Variants in RHOH observed in about 807,000 individuals in gnomAD.
RHOH encodes the protein ras homolog family member H.
In RHOH, 6 loss-of-function variants were observed where a neutral mutation model predicts 13.8. The observed-to-expected ratio is 0.44, with a 90% CI of 0.24 to 0.86. RHOH has a LOEUF of 0.86. Ranked by LOEUF, RHOH falls within the 40% of genes least tolerant of loss-of-function variation. The probability of loss-of-function intolerance (pLI) is 0.24; values close to 1 mark genes in which losing one functional copy is unlikely to be tolerated. For missense variants in RHOH, 147 were observed against 244.5 expected (o/e 0.60, Z 2.66); for synonymous variants, 117 against 103.0 (o/e 1.14, Z -0.82).
chr4:40,232,835 C>G (rs1000216109), intron 1 of RHOH, among the ~76,000 whole-genome samples: 5 of 152,182 alleles, frequency 3.3e-5, no homozygotes, highest in Non-Finnish European at 7.3e-5. Flanking sequence ...CTCCCCACCC[C>G]CAAAGCCTTT....
chr4:40,207,417 A>T (rs574255531), intron 1 of RHOH, among the ~76,000 whole-genome samples: 18 of 152,140 alleles, frequency 1.2e-4, no homozygotes, highest in Non-Finnish European at 2.6e-4. Flanking sequence ...AGGAAAAGCA[A>T]TTGAAATGTA....
At chr4:40,228,148 G>A (rs1316572987) in intron 1 of RHOH, among the ~76,000 whole-genome samples, 1 of 152,004 alleles carries the variant, frequency 6.6e-6, no homozygotes, top group Non-Finnish European at 1.5e-5. Flanking sequence ...CATTTTCTAT[G>A]TCAAGAATCT....
intron 1 of RHOH, among the ~76,000 whole-genome samples, chr4:40,238,545 G>C (rs1322653181): frequency 6.6e-6 from 1 of 152,174 alleles, no homozygotes; most frequent in Non-Finnish European, 1.5e-5. Context: ...CTTTTGCAAC[G>C]TGAAGCCTCC....
At chr4:40,204,340 T>G (rs1724383190) in intron 1 of RHOH, among the ~76,000 whole-genome samples, 1 of 152,198 alleles carries the variant, frequency 6.6e-6, no homozygotes, top group Non-Finnish European at 1.5e-5. Context: ...AGTCACAGGG[T>G]CTGTCGGATG....
At position 40,244,540 on chromosome 4, in the gene RHOH, CTTACCTG is replaced by C. The variant is rs1729637298; in HGVS notation, c.*582_*588del. On this transcript the variant is annotated 3_prime_UTR_variant, in exon 3 of 3. Coordinates refer to ENST00000381799, the MANE Select transcript of RHOH (RefSeq NM_004310.5). ...ATGAATCTTTGCAATTTGTTTTCTA[CTTACCTG>C]TTATTCACAGTTGGATATAAAATAC... The C allele has an allele frequency of 9.7e-6, 2 of 206,850 alleles. No homozygotes were observed. The highest frequency in any genetic ancestry group is 4.6e-5 in the African/African-American group (2 of 43,134). 12.8% of individuals were successfully genotyped at this position (206,850 alleles called of 1,614,324 possible).
At chr4:40,197,434 A>AG (rs1177631752) in intron 1 of RHOH, 134 bp downstream of exon 1, 1 of 148,212 alleles carries the variant, frequency 6.7e-6, no homozygotes, top group African/African-American at 2.5e-5. Context: ...ATCAATTTAC[A>AG]GGGGGACGGG....
intron 1 of RHOH, among the ~76,000 whole-genome samples, chr4:40,207,454 C>T (rs78806878): frequency 6.6e-6 from 1 of 152,094 alleles, no homozygotes; most frequent in Middle Eastern, 3.4e-3. Flanking sequence ...CTATTACATT[C>T]TAGAGCTATG....
At chr4:40,224,065 C>T (rs1191392082) in intron 1 of RHOH, among the ~76,000 whole-genome samples, 1 of 152,096 alleles carries the variant, frequency 6.6e-6, no homozygotes, top group Non-Finnish European at 1.5e-5. Flanking sequence ...AGCCACTGCT[C>T]CTGGCCAACA....
intron 1 of RHOH, among the ~76,000 whole-genome samples, chr4:40,215,699 C>T (rs372229425): frequency 1.3e-5 from 2 of 152,282 alleles, no homozygotes; most frequent in East Asian, 1.9e-4. Flanking sequence ...GAGGCCAAGG[C>T]GGGTGGATCA....
intron 1 of RHOH, among the ~76,000 whole-genome samples, chr4:40,223,466 CTTTTT>C (rs36119984): frequency 1.1e-5 from 1 of 94,480 alleles, no homozygotes; most frequent in Non-Finnish European, 2.1e-5. Context: ...TGATTGTTAG[CTTTTT>C]TTTTTTTTTT....
intron 1 of RHOH, among the ~76,000 whole-genome samples, chr4:40,235,986 A>G (rs996362881): frequency 3.1e-4 from 20 of 64,814 alleles, no homozygotes; most frequent in African/African-American, 1.8e-3. Context: ...TGTCTTAAAG[A>G]AAAAAAAAAA....
chr4:40,214,220 A>T (rs1725621726), intron 1 of RHOH, among the ~76,000 whole-genome samples: 1 of 152,186 alleles, frequency 6.6e-6, no homozygotes, highest in South Asian at 2.1e-4. Flanking sequence ...CTTTCTGATG[A>T]ATGTTTGCAC....
At chr4:40,237,084 A>G (rs999191780) in intron 1 of RHOH, among the ~76,000 whole-genome samples, 5 of 152,184 alleles carry the variant, frequency 3.3e-5, no homozygotes, top group Non-Finnish European at 7.3e-5. Flanking sequence ...TTGGAGTGAA[A>G]AAGTTTAGAG....
At chr4:40,230,647 C>CCG (rs1297718787) in intron 1 of RHOH, among the ~76,000 whole-genome samples, 2 of 151,968 alleles carry the variant, frequency 1.3e-5, no homozygotes, top group East Asian at 3.9e-4. Context: ...ACGTGAGCCA[C>CCG]CGCGCCTGGC....
chr4:40,199,598 G>T (rs574291047), intron 1 of RHOH, among the ~76,000 whole-genome samples: 1 of 152,282 alleles, frequency 6.6e-6, no homozygotes, highest in African/African-American at 2.4e-5. Context: ...CTTGGTTGAC[G>T]TCGCTCTCTG....
chr4:40,208,596 T>A (rs1457709942), intron 1 of RHOH, among the ~76,000 whole-genome samples: 1 of 152,214 alleles, frequency 6.6e-6, no homozygotes, highest in Middle Eastern at 3.2e-3. Context: ...TGAATTTTTT[T>A]AGGAGGCTTT....
Position 40,246,495 on chromosome 4 carries a change from G to A in RHOH, c.*2533G>A, listed in dbSNP as rs1729777569. 6.6e-6 allele frequency: 1 copy of A among 152,244 alleles called. No individual in the cohort carries two copies. The highest frequency in any genetic ancestry group is 2.1e-4 in the South Asian group (1 of 4,836). 9.4% of individuals were successfully genotyped at this position (152,244 alleles called of 1,614,324 possible). A position where few individuals can be genotyped will look rare whatever the true frequency, so the allele number is the denominator to read the frequency against. ...GCTCCGTCTGGGAACTCTCATACCT[G>A]AGACCAGGAATCTATGTGTAAACCC... is the stretch of plus-strand genomic sequence containing the variant. On this transcript the variant is annotated 3_prime_UTR_variant, in exon 3 of 3. Transcript: ENST00000381799.
intron 1 of RHOH, among the ~76,000 whole-genome samples, chr4:40,199,964 A>G (rs985752569): frequency 7.2e-5 from 11 of 152,190 alleles, no homozygotes; most frequent in South Asian, 4.1e-4. Context: ...TGTGCAGATG[A>G]CGTGAGTCAC....
chr4:40,193,838 T>A (rs1296802786), upstream of RHOH: 1 of 152,218 alleles, frequency 6.6e-6, no homozygotes, highest in African/African-American at 2.4e-5. Flanking sequence ...TCCTAGTCCT[T>A]TCCAGGATGG....
Sources: gnomAD v4.1 joint callset for allele counts (sites outside exome capture counted in the v4.1 genomes callset) on GRCh38, gnomAD v4.1.1 for gene constraint, MANE v1.5 for transcripts, NCBI Gene and HGNC (gene_info 2026-07-23, HGNC 2026-07-21) for gene names.